The following PACS1 variants were observed in gnomAD, a reference collection of about 807,000 sequenced individuals.
The protein encoded by PACS1 is PACS-1.
Under a neutral mutation model 115.0 loss-of-function variants are expected in PACS1, and 24 were observed. The observed-to-expected ratio is 0.21, with a 90% CI of 0.15 to 0.29. PACS1 has a LOEUF of 0.29. Among genes scored for constraint, PACS1 ranks in the 10% least tolerant of loss-of-function variants. The pLI is 1.00. For synonymous variants in PACS1, 453 were observed against 504.5 expected, an observed-to-expected ratio of 0.90 and a Z score of 1.37; for missense variants, 838 against 1,251.2, an observed-to-expected ratio of 0.67 and a Z score of 4.98.
intron 1 of PACS1, among the ~76,000 whole-genome samples, chr11:66,075,887 G>A (rs1857387429): frequency 1.3e-5 from 2 of 151,970 alleles, no homozygotes; most frequent in African/African-American, 2.4e-5. Flanking sequence ...GCAGGTGCCC[G>A]CCACCACGCC....
intron 1 of PACS1, among the ~76,000 whole-genome samples, chr11:66,134,266 T>TTTTC (rs1858784376): frequency 8.2e-6 from 1 of 121,214 alleles, no homozygotes; most frequent in Non-Finnish European, 1.8e-5. Context: ...TTTTTTTTTT[T>TTTTC]TTTTTTTTTT....
chr11:66,198,204 T>A (rs1360009257), intron 2 of PACS1, among the ~76,000 whole-genome samples: 3 of 152,242 alleles, frequency 2.0e-5, no homozygotes, highest in Non-Finnish European at 4.4e-5. Context: ...TGTGCCACCA[T>A]GCCCGGTTCT....
chr11:66,151,224 A>G (rs959700254), intron 1 of PACS1, among the ~76,000 whole-genome samples: 3 of 151,728 alleles, frequency 2.0e-5, no homozygotes, highest in African/African-American at 2.4e-5. Flanking sequence ...AGAGGAATCT[A>G]CCCTTAAAAG....
At chr11:66,174,278 G>A (rs1308956102) in intron 1 of PACS1, among the ~76,000 whole-genome samples, 1 of 152,168 alleles carries the variant, frequency 6.6e-6, no homozygotes, top group African/African-American at 2.4e-5. Context: ...ATAATAAATG[G>A]TGGTGAGGAT....
chr11:66,106,260 C>T (rs1419511026), intron 1 of PACS1, among the ~76,000 whole-genome samples: 2 of 151,924 alleles, frequency 1.3e-5, no homozygotes. Flanking sequence ...GGAGAACCTA[C>T]AAAAAATGAA....
In PACS1 at chr11:66,118,769, CAAAAAA is replaced by C. The variant is rs397945291; in HGVS notation, c.356+47945_356+47950del. ...GCAACATGGCGAAACCCCATGTCTA[CAAAAAA>C]AAAAAAAAAAAAAAAAAGAAAGAAA... On this transcript the variant is annotated intron_variant, in intron 1 of 23. Transcript: ENST00000320580. Among the ~76,000 whole-genome samples, 363 of 83,628 alleles carry C rather than the reference CAAAAAA, an allele frequency of 4.3e-3. 2 individuals carry two copies. The highest frequency in any genetic ancestry group is 0.038 in the Middle Eastern group (4 of 106). 54.9% of individuals were successfully genotyped at this position (83,628 alleles called of 152,430 possible). A position where few individuals can be genotyped will look rare whatever the true frequency, so the allele number is the denominator to read the frequency against.
At chr11:66,202,116 G>A (rs761749691) in intron 2 of PACS1, among the ~76,000 whole-genome samples, 1 of 152,120 alleles carries the variant, frequency 6.6e-6, no homozygotes, top group Non-Finnish European at 1.5e-5. Context: ...GCTATATACC[G>A]ATAAACTGGA....
chr11:66,090,132 T>G (rs2134511272), intron 1 of PACS1, among the ~76,000 whole-genome samples: 1 of 152,158 alleles, frequency 6.6e-6, no homozygotes, highest in South Asian at 2.1e-4. Context: ...CCATCCAGTT[T>G]GGGGTTCTTT....
At chr11:66,187,352 G>A (rs901377794) in intron 1 of PACS1, among the ~76,000 whole-genome samples, 8 of 152,034 alleles carry the variant, frequency 5.3e-5, no homozygotes, top group African/African-American at 1.9e-4. Flanking sequence ...CTAGCTATCT[G>A]TAATTAATAT....
intron 1 of PACS1, among the ~76,000 whole-genome samples, chr11:66,187,882 C>T (rs1317880106): frequency 6.6e-6 from 1 of 152,140 alleles, no homozygotes; most frequent in African/African-American, 2.4e-5. Flanking sequence ...AAGGAACCTC[C>T]ATGCTGTTCT....
At chr11:66,228,524 G>A (rs778421867) in intron 11 of PACS1, among the ~76,000 whole-genome samples, 4 of 152,154 alleles carry the variant, frequency 2.6e-5, no homozygotes, top group African/African-American at 4.8e-5. Flanking sequence ...CGTACTGCAC[G>A]TGGCAAGTAC....
intron 1 of PACS1, among the ~76,000 whole-genome samples, chr11:66,173,576 G>T (rs1859788126): frequency 6.6e-6 from 1 of 151,908 alleles, no homozygotes; most frequent in South Asian, 2.1e-4. Flanking sequence ...TGGGCATGGT[G>T]GTGTGTGCCT....
In PACS1 at chr11:66,236,557, C is replaced by T. The variant is rs1213555334; in HGVS notation, c.2250+617C>T. On this transcript the variant is annotated intron_variant, in intron 19 of 23. Transcript: ENST00000320580. The surrounding 1 kb of genome is among the most constrained non-coding windows in gnomAD (Gnocchi z 4.2). ...AACTTTGAAAGTCAAGGAAGAACCC[C>T]GTGGATGTCTCATGGCAGGTGCATT... 2.0e-5 allele frequency among the ~76,000 whole-genome samples: 3 copies of T among 152,122 alleles called. No homozygotes were observed. The highest frequency in any genetic ancestry group is 2.9e-5 in the Non-Finnish European group (2 of 68,028).
chr11:66,184,544 C>A (rs950432796), intron 1 of PACS1, among the ~76,000 whole-genome samples: 2 of 152,108 alleles, frequency 1.3e-5, no homozygotes. Flanking sequence ...ATATTTTGTT[C>A]TTTTCTGTAC....
At chr11:66,227,095 A>G (rs1476503359) in intron 10 of PACS1, among the ~76,000 whole-genome samples, 2 of 152,206 alleles carry the variant, frequency 1.3e-5, no homozygotes, top group Non-Finnish European at 2.9e-5. Context: ...TCAAAATCAA[A>G]GACCTGAACC....
At chr11:66,161,553 C>T (rs1348339857) in intron 1 of PACS1, among the ~76,000 whole-genome samples, 2 of 152,042 alleles carry the variant, frequency 1.3e-5, no homozygotes, top group African/African-American at 4.8e-5. Context: ...TTCCCCCTAG[C>T]TAACTGGAAA....
chr11:66,151,738 G>A (rs1300754109), intron 1 of PACS1, among the ~76,000 whole-genome samples: 2 of 152,184 alleles, frequency 1.3e-5, no homozygotes, highest in African/African-American at 2.4e-5. Flanking sequence ...CTCATACTCA[G>A]GAAGAAAAGC....
intron 1 of PACS1, among the ~76,000 whole-genome samples, chr11:66,181,220 T>A (rs1287090330): frequency 6.6e-6 from 1 of 151,638 alleles, no homozygotes; most frequent in African/African-American, 2.4e-5. Context: ...TTTTATTTTT[T>A]ATTTTTTTTG....
In PACS1 at chr11:66,151,471, A is replaced by T. The variant is rs1859237587; in HGVS notation, c.357-42015A>T. Among the ~76,000 whole-genome samples the T allele has an allele frequency of 2.6e-5, 4 of 152,138 alleles. No individual in the cohort carries two copies. In the South Asian group the frequency reaches 6.2e-4, roughly 24 times the overall value. ...CAGCCTAAATCCCTGGCTGTCTGCCAGATTACACAGAAGCATGGGAGACCC... is the reference window on the plus strand; with the variant it reads ...CAGCCTAAATCCCTGGCTGTCTGCCTGATTACACAGAAGCATGGGAGACCC... On this transcript the variant is annotated intron_variant, in intron 1 of 23. Coordinates refer to ENST00000320580, the MANE Select transcript of PACS1 (RefSeq NM_018026.4).
Sources: allele counts gnomAD v4.1 joint callset (sites outside exome capture counted in the v4.1 genomes callset), GRCh38; gene constraint gnomAD v4.1.1; non-coding constraint Gnocchi (gnomAD v3.1); transcripts MANE v1.5; gene names NCBI Gene and HGNC (gene_info 2026-07-23, HGNC 2026-07-21).